The following NCALD variants were observed in gnomAD, a reference collection of about 807,000 sequenced individuals.
NCALD encodes the protein neurocalcin-delta.
Under a neutral mutation model 18.6 loss-of-function variants are expected in NCALD, and 10 were observed. That is an observed-to-expected ratio of 0.54 (90% CI 0.33 to 0.91). The LOEUF (loss-of-function observed/expected upper bound fraction) is 0.91, where lower values mean the gene tolerates loss of function less well. Ranked by LOEUF, NCALD falls within the 40% of genes least tolerant of loss-of-function variation. NCALD has a pLI of 0.03. For missense variants in NCALD, 184 were observed against 247.6 expected, an observed-to-expected ratio of 0.74 and a Z score of 1.72; for synonymous variants, 88 against 87.4, an observed-to-expected ratio of 1.01 and a Z score of -0.04.
chr8:102,096,509 T>C (rs571180925), intron 1 of NCALD, among the ~76,000 whole-genome samples: 1 of 152,328 alleles, frequency 6.6e-6, no homozygotes, highest in African/African-American at 2.4e-5. Context: ...ACTACTCCCT[T>C]TGCAAACCCC....
intron 4 of NCALD, among the ~76,000 whole-genome samples, chr8:101,817,979 T>C (rs1813566625): frequency 6.6e-6 from 1 of 152,120 alleles, no homozygotes; most frequent in Admixed American, 6.6e-5. Flanking sequence ...GACTCTGTAG[T>C]TTCGTATTTG....
At chr8:101,810,196 G>A (rs1813255689) in intron 4 of NCALD, among the ~76,000 whole-genome samples, 1 of 152,164 alleles carries the variant, frequency 6.6e-6, no homozygotes, top group South Asian at 2.1e-4. Context: ...GGCACACTCT[G>A]AATTAAACAT....
chr8:101,758,541 A>G (rs1274381115), intron 1 of NCALD, among the ~76,000 whole-genome samples: 1 of 152,184 alleles, frequency 6.6e-6, no homozygotes, highest in Non-Finnish European at 1.5e-5. Flanking sequence ...TGTTCCTCCC[A>G]TGAATTATGG....
At chr8:101,803,698 C>A (rs1342267635) in intron 4 of NCALD, among the ~76,000 whole-genome samples, 1 of 152,134 alleles carries the variant, frequency 6.6e-6, no homozygotes, top group African/African-American at 2.4e-5. Flanking sequence ...TTGAGTCTAA[C>A]CTTCATGGAT....
chr8:101,725,298 G>T (rs1258454815), intron 1 of NCALD, among the ~76,000 whole-genome samples: 1 of 152,226 alleles, frequency 6.6e-6, no homozygotes, highest in Non-Finnish European at 1.5e-5. Flanking sequence ...ATCACAGACT[G>T]TGGATAGACA....
chr8:101,744,714 C>T (rs567409985), intron 1 of NCALD, among the ~76,000 whole-genome samples: 1 of 152,110 alleles, frequency 6.6e-6, no homozygotes, highest in African/African-American at 2.4e-5. Flanking sequence ...CTATTACAAT[C>T]GGCAGGCTGT....
At chr8:102,014,724 A>G (rs1417372457) in intron 2 of NCALD, among the ~76,000 whole-genome samples, 1 of 152,194 alleles carries the variant, frequency 6.6e-6, no homozygotes, top group Non-Finnish European at 1.5e-5. Context: ...TTTTCCTTAC[A>G]GTAGAGTTAC....
intron 1 of NCALD, among the ~76,000 whole-genome samples, chr8:102,038,576 G>A (rs189339541): frequency 1.3e-5 from 2 of 152,094 alleles, no homozygotes; most frequent in African/African-American, 4.8e-5. Flanking sequence ...TAAGTGGCAG[G>A]GCTCCAGCTT....
chr8:101,834,111 G>A (rs1302977213), intron 4 of NCALD, among the ~76,000 whole-genome samples: 1 of 152,216 alleles, frequency 6.6e-6, no homozygotes, highest in African/African-American at 2.4e-5. Flanking sequence ...GGGGGGATTT[G>A]TAAATTCAGA....
chr8:101,787,495 A>G (rs939496413), intron 1 of NCALD, among the ~76,000 whole-genome samples: 1 of 152,286 alleles, frequency 6.6e-6, no homozygotes, highest in Non-Finnish European at 1.5e-5. Context: ...AGAAAGGATG[A>G]CTTTGGACAT....
At chr8:101,895,126 C>T (rs1337367609) in intron 3 of NCALD, among the ~76,000 whole-genome samples, 2 of 151,068 alleles carry the variant, frequency 1.3e-5, no homozygotes, top group East Asian at 3.8e-4. Context: ...AAAATACTAG[C>T]AAAACGAATC....
At chr8:101,940,745 T>C (rs1461241479) in intron 2 of NCALD, among the ~76,000 whole-genome samples, 1 of 152,080 alleles carries the variant, frequency 6.6e-6, no homozygotes, top group African/African-American at 2.4e-5. Flanking sequence ...TTGGATAAAC[T>C]GCACAGAGCC....
chr8:101,883,367 A>G (rs1816558570), intron 4 of NCALD, among the ~76,000 whole-genome samples: 1 of 152,120 alleles, frequency 6.6e-6, no homozygotes, highest in Non-Finnish European at 1.5e-5. Context: ...AAATAAAACC[A>G]AAGAAATAGA....
At chr8:101,999,073 C>CAAAAAAAA (rs34227411) in intron 2 of NCALD, among the ~76,000 whole-genome samples, 1 of 79,370 alleles carries the variant, frequency 1.3e-5, no homozygotes, top group African/African-American at 4.8e-5. Flanking sequence ...CACTCACCAT[C>CAAAAAAAA]AAAAAAAAAA....
At chr8:102,081,356 T>C (rs1453025016) in intron 1 of NCALD, among the ~76,000 whole-genome samples, 1 of 152,126 alleles carries the variant, frequency 6.6e-6, no homozygotes, top group Non-Finnish European at 1.5e-5. Context: ...TTAAACCTCT[T>C]TAATGAGTCA....
rs143985868 is a variant in NCALD, at chr8:101,957,630, G to C, written c.-156-41772C>G. Among the ~76,000 whole-genome samples the C allele has an allele frequency of 4.3e-3, 649 of 152,254 alleles. 6 individuals carry two copies. The highest frequency in any genetic ancestry group is 0.014 in the African/African-American group (598 of 41,556). On this transcript the variant is annotated intron_variant, in intron 2 of 6. Transcript: ENST00000311028. ...ATGTGAAAGGGACACAAAGTGAACA[G>C]AGCACTTGAGGAATCTGGCTCAACC...
chr8:101,803,487 C>T (rs1812944505), intron 4 of NCALD, among the ~76,000 whole-genome samples: 1 of 152,150 alleles, frequency 6.6e-6, no homozygotes, highest in African/African-American at 2.4e-5. Context: ...GTAATTTCAA[C>T]CTTCAAGTCT....
intron 2 of NCALD, among the ~76,000 whole-genome samples, chr8:101,978,231 T>G (rs191385876): frequency 1.3e-5 from 2 of 152,294 alleles, no homozygotes; most frequent in South Asian, 2.1e-4. Flanking sequence ...TTTTCCCCTT[T>G]GCTAATTTAA....
chr8:101,864,041 C>T (rs1815656111), intron 4 of NCALD, among the ~76,000 whole-genome samples: 1 of 152,144 alleles, frequency 6.6e-6, no homozygotes, highest in Non-Finnish European at 1.5e-5. Flanking sequence ...ACTAAATAAA[C>T]TACATTAACC....
Sources: gnomAD v4.1 joint callset for allele counts (sites outside exome capture counted in the v4.1 genomes callset) on GRCh38, gnomAD v4.1.1 for gene constraint, MANE v1.5 for transcripts, NCBI Gene and HGNC (gene_info 2026-07-23, HGNC 2026-07-21) for gene names.